Variants in KDM2A observed in about 807,000 individuals in gnomAD.
The protein encoded by KDM2A is lysine demethylase 2A.
Under a neutral mutation model 137.3 loss-of-function variants are expected in KDM2A, and 3 were observed. That is an observed-to-expected ratio of 0.02 (90% CI 0.01 to 0.06). KDM2A has a LOEUF of 0.06. Among genes scored for constraint, KDM2A ranks in the 10% least tolerant of loss-of-function variants. The probability of loss-of-function intolerance (pLI) is 1.00; values close to 1 mark genes in which losing one functional copy is unlikely to be tolerated. For missense variants in KDM2A, 738 were observed against 1,510.6 expected (o/e 0.49, Z 8.48); for synonymous variants, 512 against 541.5 (o/e 0.95, Z 0.76).
At chr11:67,240,478 C>A in intron 12 of KDM2A, 2 of 878,118 alleles carry the variant, frequency 2.3e-6, no homozygotes, top group Non-Finnish European at 3.4e-6. Context: ...GAGTCCAGGA[C>A]AATGCTATGT....
intron 2 of KDM2A, among the ~76,000 whole-genome samples, chr11:67,122,832 C>T (rs1157024392): frequency 2.6e-5 from 4 of 151,868 alleles, no homozygotes; most frequent in Non-Finnish European, 4.4e-5. Context: ...CCCACCACTA[C>T]GCCCAGCTAA....
intron 10 of KDM2A, among the ~76,000 whole-genome samples, chr11:67,221,137 T>G (rs561166739): frequency 1.2e-4 from 19 of 152,314 alleles, no homozygotes; most frequent in Non-Finnish European, 2.8e-4. Flanking sequence ...AATGAGAGCT[T>G]ATTTTTTAGC....
intron 2 of KDM2A, among the ~76,000 whole-genome samples, chr11:67,161,908 A>G (rs1856647298): frequency 6.6e-6 from 1 of 152,112 alleles, no homozygotes; most frequent in Admixed American, 6.6e-5. Context: ...AGAGTTTCCT[A>G]AGGTAGTAGG....
chr11:67,196,746 T>A (rs1857492477), intron 5 of KDM2A: 1 of 290,858 alleles, frequency 3.4e-6, no homozygotes, highest in South Asian at 3.0e-5. Context: ...ACGGCCATAG[T>A]TTCAGTTTTA....
At chr11:67,178,969 C>G (rs1212148634) in intron 2 of KDM2A, among the ~76,000 whole-genome samples, 1 of 152,192 alleles carries the variant, frequency 6.6e-6, no homozygotes, top group Non-Finnish European at 1.5e-5. Flanking sequence ...TTTTGAGAAA[C>G]TTTCAAACTG....
chr11:67,152,298 G>A (rs1210389077), intron 2 of KDM2A, among the ~76,000 whole-genome samples: 1 of 151,566 alleles, frequency 6.6e-6, no homozygotes, highest in Non-Finnish European at 1.5e-5. Flanking sequence ...GGGTGATGGA[G>A]TGAGACCCTG....
rs1355506047 is a variant in KDM2A at position 67,255,414 on chromosome 11, G to T, written c.*359G>T. On this transcript the variant is annotated 3_prime_UTR_variant, in exon 21 of 21. Transcript: ENST00000529006. The stretch of plus-strand genomic sequence containing the variant: ...CCCTGTGCCCCTCCTCCCCATCCAT[G>T]GTCCCCAGCAGTGCCTGGTTCTGAG... 3.6e-5 allele frequency: 17 copies of T among 468,664 alleles called. No individual in the cohort carries two copies. The highest frequency in any genetic ancestry group is 2.6e-4 in the South Asian group (17 of 64,430). The allele number at this position is 468,664 out of a possible 1,614,324, so 29.0% of individuals were successfully genotyped here.
At chr11:67,191,789 C>T (rs1857360633) in intron 5 of KDM2A, among the ~76,000 whole-genome samples, 1 of 152,172 alleles carries the variant, frequency 6.6e-6, no homozygotes, top group Non-Finnish European at 1.5e-5. Context: ...GTAAAGGCGC[C>T]TGCTTTTACT....
chr11:67,245,086 T>C lies in KDM2A; in HGVS notation c.1564-103T>C. On this transcript the variant is annotated intron_variant, in intron 13 of 20. Transcript: ENST00000529006. The surrounding 1 kb of genome is among the most constrained non-coding windows in gnomAD (Gnocchi z 4.1). The stretch of plus-strand genomic sequence containing the variant: ...AACAAGCAGTGGGCAGATCTGGCCA[T>C]AGTGGGCCAAGCCCCAGGCTAGGTA... 1 of 1,321,308 alleles carries C rather than the reference T, an allele frequency of 7.6e-7. No homozygotes were observed. The highest frequency in any genetic ancestry group is 1.0e-6 in the Non-Finnish European group (1 of 954,676). The allele number at this position is 1,321,308 out of a possible 1,614,324, so 81.8% of individuals were successfully genotyped here.
chr11:67,220,977 C>G (rs1433853972), intron 10 of KDM2A, among the ~76,000 whole-genome samples: 1 of 150,256 alleles, frequency 6.7e-6, no homozygotes, highest in Non-Finnish European at 1.5e-5. Flanking sequence ...ACCCTTGAAC[C>G]TTGTTACTAT....
intron 2 of KDM2A, among the ~76,000 whole-genome samples, chr11:67,123,632 A>G (rs540051516): frequency 1.3e-5 from 2 of 151,836 alleles, no homozygotes; most frequent in African/African-American, 4.8e-5. Context: ...GGAATTTTGC[A>G]GTCCAGACTT....
chr11:67,169,442 C>T (rs1313878456), intron 2 of KDM2A, among the ~76,000 whole-genome samples: 1 of 146,752 alleles, frequency 6.8e-6, no homozygotes, highest in Non-Finnish European at 1.5e-5. Flanking sequence ...TGCAGTGGCA[C>T]CATCTCGGCT....
chr11:67,240,097 C>G, intron 12 of KDM2A: 1 of 1,375,718 alleles, frequency 7.3e-7, no homozygotes, highest in Non-Finnish European at 9.4e-7. Context: ...CAGCATTGTT[C>G]GCAGGCACAG....
rs1347283475 is a variant in KDM2A at position 67,250,583 on chromosome 11, G to T, written c.2553G>T (p.Glu851Asp). ...GAACCCCCCAGCGTGGGGATGAGGAGGGGCTGGGGGGAGAGGAGGAGGAAG... is the reference window on the plus strand; with the variant it reads ...GAACCCCCCAGCGTGGGGATGAGGATGGGCTGGGGGGAGAGGAGGAGGAAG... ...PARTPQRGDE[E>D]GLGGEEEEEE... The change falls in exon 17 of 21, where the codon GAG (glutamate) becomes GAT (aspartate). Residue 851 changes from glutamate (E) to aspartate (D), a missense_variant. Physicochemically the swap from Glu to Asp is conservative, Grantham distance 45. Transcript: ENST00000529006. This position sits in a 1 kb window ranked among gnomAD's most constrained non-coding sequence, Gnocchi z 7.1. 6 of 1,613,172 alleles carry T rather than the reference G, an allele frequency of 3.7e-6. No individual in the cohort carries two copies. The highest frequency in any genetic ancestry group is 5.1e-6 in the Non-Finnish European group (6 of 1,179,468).
chr11:67,177,575 C>T (rs1022128178), intron 2 of KDM2A, among the ~76,000 whole-genome samples: 3 of 152,168 alleles, frequency 2.0e-5, no homozygotes, highest in Admixed American at 6.6e-5. Context: ...CTTCCGCCTC[C>T]ACATCTTTTC....
intron 2 of KDM2A, chr11:67,143,382 G>A (rs547185034): frequency 7.0e-4 from 107 of 152,162 alleles, no homozygotes; most frequent in African/African-American, 2.5e-3. Context: ...GTATGAAATA[G>A]TGTTGGTTCA....
At chr11:67,231,436 T>C in intron 11 of KDM2A, 130 bp from the exon 12 acceptor site, 3 of 840,914 alleles carry the variant, frequency 3.6e-6, no homozygotes, top group Middle Eastern at 7.3e-4. Context: ...GGAATAAAGA[T>C]AGACCATTTT....
chr11:67,151,748 T>C (rs577548817), intron 2 of KDM2A, among the ~76,000 whole-genome samples: 2 of 152,246 alleles, frequency 1.3e-5, no homozygotes, highest in South Asian at 4.1e-4. Flanking sequence ...TTATTTCTTA[T>C]TTTTTTATTT....
At chr11:67,215,151 A>G (rs1415588392) in intron 6 of KDM2A, among the ~76,000 whole-genome samples, 189 bp from the exon 7 acceptor site, 2 of 152,206 alleles carry the variant, frequency 1.3e-5, no homozygotes, top group Non-Finnish European at 2.9e-5. Flanking sequence ...TTATTCTCAT[A>G]TAACAATTAT....
Sources: gnomAD v4.1 joint callset for allele counts (sites outside exome capture counted in the v4.1 genomes callset) on GRCh38, gnomAD v4.1.1 for gene constraint, Gnocchi (gnomAD v3.1) non-coding constraint, MANE v1.5 for transcripts, NCBI Gene and HGNC (gene_info 2026-07-23, HGNC 2026-07-21) for gene names.